Variants in MECOM observed in about 807,000 individuals in gnomAD.
MECOM encodes the protein histone-lysine N-methyltransferase MECOM.
A neutral mutation model predicts 116.3 loss-of-function variants in MECOM; 13 were observed. The observed-to-expected ratio is 0.11, with a 90% CI of 0.07 to 0.18. The LOEUF (loss-of-function observed/expected upper bound fraction) is 0.18, where lower values mean the gene tolerates loss of function less well. MECOM is among the 10% of genes least tolerant of loss of function. MECOM has a pLI of 1.00. For missense variants in MECOM, 1,299 were observed against 1,509.0 expected, an observed-to-expected ratio of 0.86 and a Z score of 2.31; for synonymous variants, 528 against 535.2, an observed-to-expected ratio of 0.99 and a Z score of 0.19.
At chr3:169,608,072 T>C (rs1427155152) in intron 1 of MECOM, among the ~76,000 whole-genome samples, 2 of 152,208 alleles carry the variant, frequency 1.3e-5, no homozygotes, top group Non-Finnish European at 2.9e-5. Flanking sequence ...ACCTTTGTCA[T>C]TGATCACTGA....
At position 169,100,968 on chromosome 3, in the gene MECOM, A is replaced by G; in HGVS notation, c.2772-6T>C. The G allele has an allele frequency of 1.2e-6, 2 of 1,604,732 alleles. No individual in the cohort carries two copies. The highest frequency in any genetic ancestry group is 1.7e-6 in the Non-Finnish European group (2 of 1,173,764). ...GAAAAATCTTGCCACAGTATCTGTTATGAAAAGATGTTTATAAGAGAAAGT... is the reference window on the plus strand; with the variant it reads ...GAAAAATCTTGCCACAGTATCTGTTGTGAAAAGATGTTTATAAGAGAAAGT... On this transcript the variant is annotated splice_polypyrimidine_tract_variant and splice_region_variant and intron_variant, in intron 11 of 16. Transcript: ENST00000651503.
intron 2 of MECOM, among the ~76,000 whole-genome samples, chr3:169,338,600 GGTGTGTGTGT>G (rs149763365): frequency 2.7e-5 from 4 of 146,546 alleles, no homozygotes; most frequent in East Asian, 2.0e-4. Context: ...TTATGTTAGG[GGTGTGTGTGT>G]GTGTGTGTGT....
rs138847570 is a variant in MECOM at position 169,467,002 on chromosome 3, C to T, written c.38-85478G>A. The stretch of plus-strand genomic sequence containing the variant: ...ATGTACAAAAATAATTGATAGTAAT[C>T]GTTAATTGAGTTTCTTTGGCTGTAA... On this transcript the variant is annotated intron_variant, in intron 1 of 16. Coordinates refer to ENST00000651503, the MANE Select transcript of MECOM (RefSeq NM_004991.4). 242 of 152,254 alleles carry T rather than the reference C, an allele frequency of 1.6e-3. 1 individual carries two copies. Among genetic ancestry groups the T allele is most frequent in the African/African-American group, 5.6e-3 (231 of 41,572 alleles). The allele number at this position is 152,254 out of a possible 1,614,324, so 9.4% of individuals were successfully genotyped here. A position where few individuals can be genotyped will look rare whatever the true frequency, so the allele number is the denominator to read the frequency against.
intron 2 of MECOM, chr3:169,145,187 CACA>C (rs1739468596): frequency 1.5e-5 from 1 of 67,806 alleles, no homozygotes; most frequent in African/African-American, 1.7e-4. Flanking sequence ...CACACACACA[CACA>C]GAGAGAAATC....
chr3:169,499,340 T>C (rs1489934015), intron 1 of MECOM, among the ~76,000 whole-genome samples: 1 of 62,096 alleles, frequency 1.6e-5, no homozygotes, highest in African/African-American at 6.7e-5. Flanking sequence ...AAAGACAGAT[T>C]ACCCACAAAA....
At chr3:169,095,895 G>T (rs921703834) in intron 12 of MECOM, among the ~76,000 whole-genome samples, 1 of 151,792 alleles carries the variant, frequency 6.6e-6, no homozygotes, top group Non-Finnish European at 1.5e-5. Flanking sequence ...GAAAGCAAAG[G>T]GCTTCCATTT....
intron 2 of MECOM, among the ~76,000 whole-genome samples, chr3:169,201,145 G>A (rs1451988821): frequency 6.6e-6 from 1 of 152,124 alleles, no homozygotes; most frequent in African/African-American, 2.4e-5. Context: ...TTAAATGACA[G>A]AGAACATGTT....
intron 1 of MECOM, among the ~76,000 whole-genome samples, chr3:169,643,788 T>C (rs1773794042): frequency 6.6e-6 from 1 of 152,214 alleles, no homozygotes; most frequent in Non-Finnish European, 1.5e-5. Flanking sequence ...CAATGGTATG[T>C]AAACACTCTA....
chr3:169,447,645 G>A lies in MECOM; in HGVS notation c.38-66121C>T, dbSNP rs150404296. The stretch of plus-strand genomic sequence containing the variant: ...TGGGAAGCAGAGCACACAAACAGAT[G>A]TTTACAGCACAACATGATGAGTGGT... On this transcript the variant is annotated intron_variant, in intron 1 of 16. Coordinates refer to ENST00000651503, the MANE Select transcript of MECOM (RefSeq NM_004991.4). Among the ~76,000 whole-genome samples the A allele has an allele frequency of 2.0e-5, 3 of 152,290 alleles. No homozygotes were observed. In the East Asian group the frequency reaches 5.8e-4, roughly 29 times the overall value.
intron 1 of MECOM, among the ~76,000 whole-genome samples, chr3:169,450,881 A>G (rs1297318819): frequency 1.3e-5 from 2 of 152,200 alleles, no homozygotes; most frequent in Non-Finnish European, 2.9e-5. Flanking sequence ...ACAAGTTCAT[A>G]ATGGGAACCG....
rs145479292 is a variant in MECOM, at chr3:169,412,451, G to A, written c.38-30927C>T. The stretch of plus-strand genomic sequence containing the variant: ...TGATGTTCCCTGCGTTTCTCATCTG[G>A]CTTCTGTGACACTCCTTTGGCAATT... On this transcript the variant is annotated intron_variant, in intron 1 of 16. Coordinates refer to ENST00000651503, the MANE Select transcript of MECOM (RefSeq NM_004991.4). Among the ~76,000 whole-genome samples the A allele has an allele frequency of 1.5e-4, 23 of 151,966 alleles. No individual in the cohort carries two copies. The East Asian group carries it at 4.4e-3, about 29-fold the overall frequency.
chr3:169,432,971 T>C (rs1741889826), intron 1 of MECOM, among the ~76,000 whole-genome samples: 2 of 152,346 alleles, frequency 1.3e-5, no homozygotes, highest in South Asian at 4.1e-4. Flanking sequence ...AGCTCATATT[T>C]GATTTCCTTG....
intron 2 of MECOM, among the ~76,000 whole-genome samples, chr3:169,250,093 C>A (rs576299384): frequency 6.6e-6 from 1 of 152,126 alleles, no homozygotes; most frequent in African/African-American, 2.4e-5. Context: ...TGGGGGCTGG[C>A]GACCTGAAGC....
chr3:169,326,923 T>C (rs1256460264), intron 2 of MECOM, among the ~76,000 whole-genome samples: 1 of 152,198 alleles, frequency 6.6e-6, no homozygotes, highest in East Asian at 1.9e-4. Flanking sequence ...TCCTTCTAAT[T>C]AGCAAAATTA....
At chr3:169,266,850 T>A (rs1439609560) in intron 2 of MECOM, among the ~76,000 whole-genome samples, 1 of 151,326 alleles carries the variant, frequency 6.6e-6, no homozygotes, top group Non-Finnish European at 1.5e-5. Flanking sequence ...ATAGATCCAA[T>A]TTTATTCAGG....
intron 1 of MECOM, among the ~76,000 whole-genome samples, chr3:169,577,634 C>A (rs1445242608): frequency 6.6e-6 from 1 of 152,100 alleles, no homozygotes; most frequent in Non-Finnish European, 1.5e-5. Context: ...AATGAATGAT[C>A]CGACAGTGCC....
chr3:169,662,937 C>G (rs1776503293), intron 1 of MECOM, among the ~76,000 whole-genome samples: 1 of 151,488 alleles, frequency 6.6e-6, no homozygotes, highest in African/African-American at 2.4e-5. Context: ...AGAGGCAACT[C>G]TCCCCCGCCT....
At chr3:169,191,162 C>A (rs1311909070) in intron 2 of MECOM, among the ~76,000 whole-genome samples, 1 of 151,952 alleles carries the variant, frequency 6.6e-6, no homozygotes, top group East Asian at 1.9e-4. Flanking sequence ...AGCATTGCCC[C>A]TCTCTCCACT....
chr3:169,564,908 C>T (rs551684634), intron 1 of MECOM, among the ~76,000 whole-genome samples: 1 of 152,276 alleles, frequency 6.6e-6, no homozygotes, highest in East Asian at 1.9e-4. Flanking sequence ...TTCTGTTTAG[C>T]CAGGTGAACT....
Sources: gnomAD v4.1 joint callset for allele counts (sites outside exome capture counted in the v4.1 genomes callset) on GRCh38, gnomAD v4.1.1 for gene constraint, MANE v1.5 for transcripts, NCBI Gene and HGNC (gene_info 2026-07-23, HGNC 2026-07-21) for gene names.